NUP155: variants seen among roughly 807,000 people sequenced by gnomAD.
NUP155 encodes the protein nucleoporin 155, also known as nuclear pore complex protein Nup155.
Under a neutral mutation model 180.4 loss-of-function variants are expected in NUP155, and 71 were observed. That is an observed-to-expected ratio of 0.39 (90% CI 0.33 to 0.48). NUP155 has a LOEUF of 0.48. Among genes scored for constraint, NUP155 ranks in the 20% least tolerant of loss-of-function variants. NUP155 has a pLI of 0.91. For synonymous variants in NUP155, 582 were observed against 559.5 expected (o/e 1.04, Z -0.57); for missense variants, 1,553 against 1,648.9 (o/e 0.94, Z 1.01).
chr5:37,316,983 G>A (rs1349179209), intron 21 of NUP155, among the ~76,000 whole-genome samples: 1 of 145,962 alleles, frequency 6.9e-6, no homozygotes, highest in East Asian at 2.1e-4. Flanking sequence ...TAAACACGGT[G>A]AAACCCTGTC....
At chr5:37,350,638 T>C (rs1433612047) in intron 6 of NUP155, among the ~76,000 whole-genome samples, 2 of 151,876 alleles carry the variant, frequency 1.3e-5, no homozygotes, top group Non-Finnish European at 2.9e-5. Context: ...ACTCTGCCTC[T>C]AATAAAAACA....
At chr5:37,329,706 T>C (rs930815125) in intron 15 of NUP155, among the ~76,000 whole-genome samples, 11 of 152,302 alleles carry the variant, frequency 7.2e-5, no homozygotes, top group Admixed American at 7.2e-4. Context: ...CCTTCAATAC[T>C]AATGATACAT....
In NUP155 at chr5:37,331,793, C is replaced by T. The variant is rs1431655478; in HGVS notation, c.1521G>A (p.Gly507=). 2 of 1,595,144 alleles carry T rather than the reference C, an allele frequency of 1.3e-6. No individual in the cohort carries two copies. Among genetic ancestry groups the T allele is most frequent in the Non-Finnish European group, 1.7e-6 (2 of 1,165,118 alleles). The change falls in exon 14 of 35, where the codon GGG becomes GGA. Residue 507 remains glycine (G), a splice_region_variant and synonymous_variant. Coordinates refer to ENST00000231498, the MANE Select transcript of NUP155 (RefSeq NM_153485.3). Reference sequence around the variant, plus strand: ...GTCTAAGTTTATGAAACATAAGGCTCCCCTAAGAAATTTGAAGAAAGAACA... The same window carrying T: ...GTCTAAGTTTATGAAACATAAGGCTTCCCTAAGAAATTTGAAGAAAGAACA... ...PKKFVLLSAQ[G]SLMFHKLRPV...
intron 6 of NUP155, 113 bp from the exon 7 acceptor site, chr5:37,350,378 AT>A: frequency 2.8e-6 from 2 of 711,178 alleles, no homozygotes; most frequent in South Asian, 3.2e-5. Context: ...ACCAGTTATA[AT>A]CACTAATACC....
intron 9 of NUP155, among the ~76,000 whole-genome samples, chr5:37,345,891 A>C (rs900320508): frequency 3.4e-5 from 5 of 146,720 alleles, no homozygotes; most frequent in African/African-American, 1.3e-4. Context: ...GTGACGTGAC[A>C]GAGTGAGATT....
chr5:37,322,277 C>T (rs1434253795), intron 20 of NUP155, among the ~76,000 whole-genome samples: 2 of 152,222 alleles, frequency 1.3e-5, no homozygotes, highest in Non-Finnish European at 2.9e-5. Flanking sequence ...GTGAGCCACT[C>T]TGCCTGGCCT....
At chr5:37,366,055 C>T (rs1747566794) in intron 1 of NUP155, among the ~76,000 whole-genome samples, 1 of 151,898 alleles carries the variant, frequency 6.6e-6, no homozygotes, top group Non-Finnish European at 1.5e-5. Flanking sequence ...AAATAATACC[C>T]CACAAGCAGT....
At position 37,350,166 on chromosome 5, in the gene NUP155, C is replaced by G; in HGVS notation, c.823G>C (p.Glu275Gln). 7 of 1,611,222 alleles carry G rather than the reference C, an allele frequency of 4.3e-6. No individual in the cohort carries two copies. The highest frequency in any genetic ancestry group is 2.2e-5 in the East Asian group (1 of 44,804). Residue 275 changes from glutamate to glutamine, a missense_variant, in exon 7 of 35, where the codon GAA becomes CAA. By Grantham distance (29) the Glu-to-Gln change is conservative. Coordinates refer to ENST00000231498, the MANE Select transcript of NUP155 (RefSeq NM_153485.3). Reference sequence around the variant, plus strand: ...TTTATTGTTTTCTACTTACCATCTTCTGAGAACGTGAATTGTAGCAAGGAA... The same window carrying G: ...TTTATTGTTTTCTACTTACCATCTTGTGAGAACGTGAATTGTAGCAAGGAA... ...VPSLLQFTFS[E>Q]DDPILQIAID...
rs765306926 is a variant in NUP155 at position 37,309,245 on chromosome 5, G to C, written c.2651C>G (p.Ser884Cys). The C allele has an allele frequency of 6.2e-7, 1 of 1,611,570 alleles. No homozygotes were observed. The highest frequency in any genetic ancestry group is 2.2e-5 in the East Asian group (1 of 44,770). Residue 884 changes from serine to cysteine, a missense_variant, in exon 24 of 35, where the codon TCC (serine) becomes TGC (cysteine). Coordinates refer to ENST00000231498, the MANE Select transcript of NUP155 (RefSeq NM_153485.3). The part of the protein sequence containing the change: ...CSKANELLQR[S>C]RQVQNKTEKE... ...TTCAGTCTTATTTTGAACTTGTCGGGAACGCTGGAGAAGCTCATTTGCCTA... is the reference window on the plus strand; with the variant it reads ...TTCAGTCTTATTTTGAACTTGTCGGCAACGCTGGAGAAGCTCATTTGCCTA...
intron 19 of NUP155, among the ~76,000 whole-genome samples, chr5:37,325,372 T>C (rs1336278698): frequency 6.6e-6 from 1 of 152,134 alleles, no homozygotes; most frequent in Non-Finnish European, 1.5e-5. Context: ...GGCTCTGAAA[T>C]GTTAAGTAAT....
At chr5:37,303,609 G>T (rs1485510169) in intron 27 of NUP155, among the ~76,000 whole-genome samples, 195 bp from the exon 28 acceptor site, 1 of 152,154 alleles carries the variant, frequency 6.6e-6, no homozygotes, top group Non-Finnish European at 1.5e-5. Context: ...TTTTACCACA[G>T]TTAGCATAAG....
At chr5:37,342,753 T>C in intron 9 of NUP155, 107 bp from the exon 10 acceptor site, 1 of 817,526 alleles carries the variant, frequency 1.2e-6, no homozygotes, top group Admixed American at 2.1e-5. Flanking sequence ...CCTTTTTTTT[T>C]TGAGATGTAG....
At chr5:37,341,663 C>T (rs1258960444) in intron 10 of NUP155, among the ~76,000 whole-genome samples, 5 of 152,130 alleles carry the variant, frequency 3.3e-5, no homozygotes, top group African/African-American at 1.2e-4. Context: ...GCCTCAGCCT[C>T]CCGAGTAGCT....
intron 9 of NUP155, 76 bp downstream of exon 9, chr5:37,348,429 A>G: frequency 1.1e-6 from 1 of 924,780 alleles, no homozygotes; most frequent in Non-Finnish European, 1.8e-6. Context: ...GGAATAATAT[A>G]TACTTTTAGA....
chr5:37,303,427 T>C lies in NUP155; in HGVS notation c.3163-13A>G, dbSNP rs772066503. The C allele has an allele frequency of 1.6e-5, 25 of 1,612,468 alleles. No individual in the cohort carries two copies. The highest frequency in any genetic ancestry group is 4.0e-5 in the African/African-American group (3 of 74,900). ...ATGGAGAAGCAACCTAGAAATTATA[T>C]AGTTATTCAGAAAAATTTTCTAACC... On this transcript the variant is annotated splice_polypyrimidine_tract_variant and intron_variant, in intron 27 of 34. Transcript: ENST00000231498.
Position 37,299,490 on chromosome 5 carries a change from G to A in NUP155, c.3640C>T (p.Pro1214Ser). The A allele has an allele frequency of 1.2e-6, 2 of 1,613,842 alleles. No homozygotes were observed. The highest frequency in any genetic ancestry group is 1.7e-6 in the Non-Finnish European group (2 of 1,179,934). Residue 1214 changes from proline (P) to serine (S), a missense_variant, in exon 31 of 35, where the codon CCT (proline) becomes TCT (serine). Coordinates refer to ENST00000231498, the MANE Select transcript of NUP155 (RefSeq NM_153485.3). Reference protein sequence around the residue: ...AIIHCAGYSDPILVQTLWQDI... With the variant: ...AIIHCAGYSDSILVQTLWQDI... ...TGCCAAAGTGTCTGCACCAATATAG[G>A]GTCTGAATAACCGGCACAATGAATT...
At chr5:37,362,939 G>A (rs2111710816) in intron 3 of NUP155, among the ~76,000 whole-genome samples, 1 of 152,172 alleles carries the variant, frequency 6.6e-6, no homozygotes. Flanking sequence ...CTGAGATGGA[G>A]TCTCGCTCTG....
Position 37,292,877 on chromosome 5 carries a change from AC to A in NUP155, c.4037+1del. On this transcript the variant is annotated splice_donor_variant, in intron 34 of 34. Transcript: ENST00000231498. ...CTGATCCAATATTTAATTCATAAGT[AC>A]CTTTCACAATTTAAAACTTGGCTGG... 1 of 1,568,090 alleles carries A rather than the reference AC, an allele frequency of 6.4e-7. No individual in the cohort carries two copies. The highest frequency in any genetic ancestry group is 2.2e-5 in the East Asian group (1 of 44,502).
intron 1 of NUP155, among the ~76,000 whole-genome samples, chr5:37,368,553 G>C (rs1747754100): frequency 6.6e-6 from 1 of 151,832 alleles, no homozygotes; most frequent in Non-Finnish European, 1.5e-5. Flanking sequence ...GGCACAGTGG[G>C]TGACACCTGT....
Sources: allele counts gnomAD v4.1 joint callset (sites outside exome capture counted in the v4.1 genomes callset), GRCh38; gene constraint gnomAD v4.1.1; transcripts MANE v1.5; gene names NCBI Gene and HGNC (gene_info 2026-07-23, HGNC 2026-07-21).